The following CSMD1 variants were observed in gnomAD, a reference collection of about 807,000 sequenced individuals.
The protein encoded by CSMD1 is CUB and Sushi multiple domains 1.
In CSMD1, 213 loss-of-function variants were observed where a neutral mutation model predicts 417.5. The observed-to-expected ratio is 0.51, with a 90% CI of 0.46 to 0.57. The LOEUF (loss-of-function observed/expected upper bound fraction) is 0.57. Among genes scored for constraint, CSMD1 ranks in the 20% least tolerant of loss-of-function variants. The pLI is 0.00. For synonymous variants in CSMD1, 2,862 were observed against 1,736.8 expected (o/e 1.65, Z -16.11); for missense variants, 6,923 against 4,529.7 (o/e 1.53, Z -15.17).
intron 8 of CSMD1, among the ~76,000 whole-genome samples, chr8:3,592,787 G>C (rs377207499): frequency 6.6e-6 from 1 of 152,124 alleles, no homozygotes; most frequent in African/African-American, 2.4e-5. Flanking sequence ...CACAGCACAC[G>C]TTAAAAGTTA....
intron 2 of CSMD1, among the ~76,000 whole-genome samples, chr8:4,565,564 G>A (rs1427988488): frequency 3.3e-5 from 5 of 151,694 alleles, no homozygotes; most frequent in Non-Finnish European, 5.9e-5. Flanking sequence ...GTGAAACCCT[G>A]TCTCTACAAA....
At chr8:4,414,282 C>A (rs143294382) in intron 3 of CSMD1, among the ~76,000 whole-genome samples, 1 of 152,286 alleles carries the variant, frequency 6.6e-6, no homozygotes, top group African/African-American at 2.4e-5. Flanking sequence ...GAGTGACACC[C>A]TGGTAAGAGG....
chr8:4,098,455 T>G (rs1301604919), intron 3 of CSMD1, among the ~76,000 whole-genome samples: 1 of 152,064 alleles, frequency 6.6e-6, no homozygotes. Context: ...ATCAGACACA[T>G]ATTGTTCCAT....
chr8:4,425,526 G>C (rs1249768342), intron 2 of CSMD1, among the ~76,000 whole-genome samples: 1 of 152,062 alleles, frequency 6.6e-6, no homozygotes, highest in Non-Finnish European at 1.5e-5. Flanking sequence ...TGCGAGTAAG[G>C]AATCTTATAA....
chr8:3,443,612 T>C (rs1253054119), intron 12 of CSMD1, among the ~76,000 whole-genome samples: 5 of 152,212 alleles, frequency 3.3e-5, no homozygotes, highest in Non-Finnish European at 7.3e-5. Context: ...CTTCAAATTA[T>C]ACCTACCTTT....
intron 25 of CSMD1, among the ~76,000 whole-genome samples, chr8:3,288,844 A>T (rs916917820): frequency 2.0e-5 from 3 of 146,944 alleles, no homozygotes; most frequent in Non-Finnish European, 4.4e-5. Flanking sequence ...TTATTATTAT[A>T]CTTTAAGTTT....
chr8:3,168,733 G>C (rs985195783), intron 37 of CSMD1, among the ~76,000 whole-genome samples: 1 of 151,914 alleles, frequency 6.6e-6, no homozygotes, highest in African/African-American at 2.4e-5. Context: ...TTATCATCTG[G>C]GAAATTTAGA....
intron 2 of CSMD1, among the ~76,000 whole-genome samples, chr8:4,438,653 T>G (rs1252629781): frequency 6.6e-6 from 1 of 152,234 alleles, no homozygotes; most frequent in Non-Finnish European, 1.5e-5. Context: ...TAGTATTTAC[T>G]TGGAATTCCT....
intron 2 of CSMD1, among the ~76,000 whole-genome samples, chr8:4,631,621 A>AGGTT (rs1802520637): frequency 6.6e-6 from 1 of 152,196 alleles, no homozygotes; most frequent in African/African-American, 2.4e-5. Context: ...TGTGTAACCT[A>AGGTT]ACTATCCACA....
chr8:4,388,250 A>T (rs1217568200), intron 3 of CSMD1, among the ~76,000 whole-genome samples: 1 of 151,936 alleles, frequency 6.6e-6, no homozygotes, highest in East Asian at 1.9e-4. Flanking sequence ...ACAATTGCAA[A>T]ATCATGGAAT....
At chr8:3,523,894 C>CAT (rs370165491) in intron 10 of CSMD1, among the ~76,000 whole-genome samples, 4 of 145,380 alleles carry the variant, frequency 2.8e-5, no homozygotes, top group Non-Finnish European at 4.4e-5. Flanking sequence ...TGCACAGAGA[C>CAT]ATATGCACAC....
intron 49 of CSMD1, among the ~76,000 whole-genome samples, chr8:3,078,713 G>T (rs1272593741): frequency 6.6e-6 from 1 of 152,110 alleles, no homozygotes; most frequent in African/African-American, 2.4e-5. Context: ...CCCTTTACAG[G>T]AAAAGAGAGC....
At chr8:3,274,314 C>G (rs572475380) in intron 26 of CSMD1, among the ~76,000 whole-genome samples, 122 of 152,156 alleles carry the variant, frequency 8.0e-4, no homozygotes, top group Non-Finnish European at 3.2e-4. Context: ...AATTTCTGTT[C>G]TTTTATATTT....
At chr8:3,476,964 T>C (rs1332136715) in intron 11 of CSMD1, among the ~76,000 whole-genome samples, 1 of 150,504 alleles carries the variant, frequency 6.6e-6, no homozygotes, top group African/African-American at 2.4e-5. Flanking sequence ...GGGTTTAAGT[T>C]GGGGGAGCCT....
At chr8:4,365,817 C>T (rs1169050388) in intron 3 of CSMD1, among the ~76,000 whole-genome samples, 1 of 152,158 alleles carries the variant, frequency 6.6e-6, no homozygotes, top group Non-Finnish European at 1.5e-5. Flanking sequence ...AGGTTTTGAT[C>T]TTTTGACTTT....
At position 4,764,895 on chromosome 8, in the gene CSMD1, C is replaced by CAAAACAAAA. The variant is rs763804321; in HGVS notation, c.86-127338_86-127337insTTTTGTTTT. 9.8e-5 allele frequency among the ~76,000 whole-genome samples: 3 copies of CAAAACAAAA among 30,570 alleles called. No homozygotes were observed. In the South Asian group the frequency reaches 4.3e-3, roughly 44 times the overall value. 20.1% of individuals were successfully genotyped at this position (30,570 alleles called of 152,430 possible). A position where few individuals can be genotyped will look rare whatever the true frequency, so the allele number is the denominator to read the frequency against. ...CTCAAAAAAAAAAAAAAAAAAAAAA[C>CAAAACAAAA]AACAACAACAAAAAAAAACCTTTGC... On this transcript the variant is annotated intron_variant, in intron 1 of 69. Coordinates refer to ENST00000635120, the MANE Select transcript of CSMD1 (RefSeq NM_033225.6).
intron 1 of CSMD1, among the ~76,000 whole-genome samples, chr8:4,701,323 T>TA (rs200233918): frequency 0.091 from 13,774 of 151,416 alleles, 1,086 homozygotes; most frequent in African/African-American, 0.21. Flanking sequence ...GATGCTTTTT[T>TA]TTTTTTTAAC....
In CSMD1 at chr8:3,096,971, C is replaced by G. The variant is rs745633619; in HGVS notation, c.7016G>C (p.Gly2339Ala). Residue 2339 changes from glycine to alanine, a missense_variant, in exon 47 of 70, where the codon GGT (glycine) becomes GCT (alanine). Transcript: ENST00000635120. ...GCAAGTCTGGGAGTTAAAATAATTACCCGGATACCCTGGACTGAGAATGAC... is the reference window on the plus strand; with the variant it reads ...GCAAGTCTGGGAGTTAAAATAATTAGCCGGATACCCTGGACTGAGAATGAC... ...SGVILSPGYPGNYFNSQTCSW... is the reference protein window; with the variant it reads ...SGVILSPGYPANYFNSQTCSW... The G allele has an allele frequency of 5.8e-6, 9 of 1,555,344 alleles. 1 individual carries two copies. In the South Asian group the frequency reaches 1.1e-4, roughly 18 times the overall value.
chr8:4,192,044 G>A (rs1034828554), intron 3 of CSMD1, among the ~76,000 whole-genome samples: 1 of 152,112 alleles, frequency 6.6e-6, no homozygotes, highest in African/African-American at 2.4e-5. Flanking sequence ...TGCAACAAAA[G>A]TATTTGTGTT....
Sources: gnomAD v4.1 joint callset for allele counts (sites outside exome capture counted in the v4.1 genomes callset) on GRCh38, gnomAD v4.1.1 for gene constraint, MANE v1.5 for transcripts, NCBI Gene and HGNC (gene_info 2026-07-23, HGNC 2026-07-21) for gene names.